Variants in SSX2IP observed in about 807,000 individuals in gnomAD.
SSX2IP encodes SSX family member 2 interacting protein, also known as afadin- and alpha-actinin-binding protein.
In SSX2IP, 55 loss-of-function variants were observed where a neutral mutation model predicts 84.9. That is an observed-to-expected ratio of 0.65 (90% CI 0.52 to 0.81). SSX2IP has a LOEUF of 0.81. Ranked by LOEUF, SSX2IP falls within the 30% of genes least tolerant of loss-of-function variation. SSX2IP has a pLI of 0.00. For missense variants in SSX2IP, 664 were observed against 705.2 expected, an observed-to-expected ratio of 0.94 and a Z score of 0.66; for synonymous variants, 239 against 234.7, an observed-to-expected ratio of 1.02 and a Z score of -0.17.
chr1:84,662,774 G>C (rs562625207), intron 6 of SSX2IP, among the ~76,000 whole-genome samples: 3 of 152,164 alleles, frequency 2.0e-5, no homozygotes, highest in South Asian at 2.1e-4. Flanking sequence ...ATCTACCAAA[G>C]AGTTGTTGAG....
chr1:84,684,333 T>A (rs1655494941), intron 1 of SSX2IP, among the ~76,000 whole-genome samples: 1 of 152,204 alleles, frequency 6.6e-6, no homozygotes, highest in South Asian at 2.1e-4. Context: ...TAGAATGTGG[T>A]TCAGTATAAA....
intron 11 of SSX2IP, 68 bp from the exon 12 acceptor site, chr1:84,652,065 T>C (rs769796906): frequency 7.0e-5 from 80 of 1,137,998 alleles, no homozygotes; most frequent in Non-Finnish European, 1.0e-4. Context: ...TTTCACATGA[T>C]TGCTCTAGCT....
In SSX2IP at chr1:84,646,888, G is replaced by C. The variant is rs1056753800; in HGVS notation, c.*545C>G. 6.6e-6 allele frequency: 1 copy of C among 152,518 alleles called. No homozygotes were observed. The highest frequency in any genetic ancestry group is 2.4e-5 in the African/African-American group (1 of 41,450). The allele number at this position is 152,518 out of a possible 1,614,324, so 9.4% of individuals were successfully genotyped here. A position where few individuals can be genotyped will look rare whatever the true frequency, so the allele number is the denominator to read the frequency against. On this transcript the variant is annotated 3_prime_UTR_variant, in exon 14 of 14. Transcript: ENST00000342203. ...GGCATGAAATACTATACTTATGGTT[G>C]TGTGAAACTTTTAAATCTTAAAGCC...
Position 84,664,625 on chromosome 1 carries a change from T to C in SSX2IP, c.538-73A>G, listed in dbSNP as rs901867990. 1.9e-5 allele frequency: 25 copies of C among 1,326,606 alleles called. No individual in the cohort carries two copies. The Admixed American group carries it at 2.4e-4, about 13-fold the overall frequency. The allele number at this position is 1,326,606 out of a possible 1,614,324, so 82.2% of individuals were successfully genotyped here. On this transcript the variant is annotated intron_variant, in intron 5 of 13. Transcript: ENST00000342203. ...TGAAAGAGAAAAATCCTAAAATTCA[T>C]CTCCCCATATAGGTTTTAAAATCCT...
chr1:84,664,701 T>C (rs1652516156), intron 5 of SSX2IP, 149 bp from the exon 6 acceptor site: 1 of 595,074 alleles, frequency 1.7e-6, no homozygotes. Context: ...TTTTAAATAT[T>C]ATATGAATCA....
In SSX2IP at chr1:84,671,327, GAAT is replaced by G. The variant is rs1653548564; in HGVS notation, c.-89-22_-89-20del. 2.0e-6 allele frequency: 3 copies of G among 1,487,020 alleles called. No homozygotes were observed. The Admixed American group carries it at 7.5e-5, about 37-fold the overall frequency. The allele number at this position is 1,487,020 out of a possible 1,614,324, so 92.1% of individuals were successfully genotyped here. A position where few individuals can be genotyped will look rare whatever the true frequency, so the allele number is the denominator to read the frequency against. On this transcript the variant is annotated intron_variant, in intron 1 of 13. Coordinates refer to ENST00000342203, the MANE Select transcript of SSX2IP (RefSeq NM_001166293.2). ...GCATCTCCTTAAAAAGCAGATTATA[GAAT>G]AATAGCATCTAATTTAAAATATGAA...
intron 5 of SSX2IP, among the ~76,000 whole-genome samples, chr1:84,664,986 G>C (rs188114103): frequency 6.6e-6 from 1 of 152,196 alleles, no homozygotes; most frequent in South Asian, 2.1e-4. Context: ...AAGCAGGCTC[G>C]TTTTTCTAAT....
At chr1:84,662,587 C>T (rs1652184614) in intron 6 of SSX2IP, 57 bp from the exon 7 acceptor site, 38 of 1,560,652 alleles carry the variant, frequency 2.4e-5, no homozygotes, top group Non-Finnish European at 3.3e-5. Context: ...GCATCTAAAA[C>T]TCTAATGCAT....
chr1:84,659,796 C>CA (rs35920871), intron 8 of SSX2IP, among the ~76,000 whole-genome samples: 71,564 of 128,436 alleles, frequency 0.56, 20,093 homozygotes, highest in East Asian at 0.73. Flanking sequence ...GACTCCATCT[C>CA]AAAAAAAAAA....
chr1:84,666,132 T>C lies in SSX2IP; in HGVS notation c.527A>G (p.Glu176Gly), dbSNP rs751214481. The C allele has an allele frequency of 1.1e-5, 17 of 1,609,788 alleles. No individual in the cohort carries two copies. The South Asian group carries it at 1.8e-4, about 17-fold the overall frequency. The change falls in exon 5 of 14, where the codon GAG (glutamate) becomes GGG (glycine). Residue 176 changes from glutamate (E) to glycine (G), a missense_variant. Glu to Gly is a moderately conservative substitution (Grantham distance 98). Transcript: ENST00000342203. ...TAACTGACAACTCACCTCATCTTTC[T>C]CATTCTTTAGTAGCTGATGCAAATT... ...NRNLHQLLKN[E>G]KDEVQKLQNI...
rs2994444 is a variant in SSX2IP at position 84,646,827 on chromosome 1, C to T, written c.*606G>A. ...ATGTAATGCATCAATGGTCCTAATA[C>T]ATCTGTAAACAGAATACCACTAAAA... On this transcript the variant is annotated 3_prime_UTR_variant, in exon 14 of 14. Coordinates refer to ENST00000342203, the MANE Select transcript of SSX2IP (RefSeq NM_001166293.2). The T allele has an allele frequency of 0.079, 12,014 of 152,550 alleles. 695 individuals carry two copies. Among genetic ancestry groups the T allele is most frequent in the African/African-American group, 0.16 (6,739 of 41,512 alleles). The allele number at this position is 152,550 out of a possible 1,614,324, so 9.4% of individuals were successfully genotyped here. A position where few individuals can be genotyped will look rare whatever the true frequency, so the allele number is the denominator to read the frequency against.
intron 1 of SSX2IP, among the ~76,000 whole-genome samples, chr1:84,674,592 C>T (rs1432769762): frequency 6.6e-6 from 1 of 152,104 alleles, no homozygotes; most frequent in Non-Finnish European, 1.5e-5. Context: ...ACAGAAAGAA[C>T]ACCAAAATGT....
In SSX2IP at chr1:84,658,327, C is replaced by G; in HGVS notation, c.1069G>C (p.Asp357His). 1 of 1,614,078 alleles carries G rather than the reference C, an allele frequency of 6.2e-7. No homozygotes were observed. Among genetic ancestry groups the G allele is most frequent in the Non-Finnish European group, 8.5e-7 (1 of 1,179,998 alleles). ...TAGAAGCAGTGGTTACCTTGGTTAT[C>G]AAGCTTTTCTACATGACTTTTCAAA... ...RILKSHVEKL[D>H]NQVSKVHLEG... Residue 357 changes from aspartate to histidine, a missense_variant, in exon 9 of 14, where the codon GAT (aspartate) becomes CAT (histidine). Transcript: ENST00000342203.
At chr1:84,681,079 A>G (rs995975026) in intron 1 of SSX2IP, among the ~76,000 whole-genome samples, 5 of 152,200 alleles carry the variant, frequency 3.3e-5, no homozygotes, top group Non-Finnish European at 7.4e-5. Flanking sequence ...ACAGTTTTTT[A>G]AGATAGTCAA....
chr1:84,679,522 T>C (rs1261099026), intron 1 of SSX2IP, among the ~76,000 whole-genome samples: 1 of 152,200 alleles, frequency 6.6e-6, no homozygotes, highest in Non-Finnish European at 1.5e-5. Context: ...AGAGGATTTA[T>C]AGTTGGAAAG....
chr1:84,657,572 C>T (rs1651298901), intron 9 of SSX2IP, among the ~76,000 whole-genome samples: 1 of 151,970 alleles, frequency 6.6e-6, no homozygotes, highest in African/African-American at 2.4e-5. Context: ...GTAAAAGAGA[C>T]TCAGTTTTCT....
chr1:84,677,455 A>G (rs80288117), intron 1 of SSX2IP, among the ~76,000 whole-genome samples: 4 of 152,254 alleles, frequency 2.6e-5, no homozygotes, highest in Non-Finnish European at 5.9e-5. Context: ...ATACACAACA[A>G]TACCTTGTAG....
chr1:84,670,539 A>T, intron 3 of SSX2IP, 107 bp downstream of exon 3: 1 of 708,500 alleles, frequency 1.4e-6, no homozygotes, highest in East Asian at 3.0e-5. Context: ...TCTCAGGGGC[A>T]CTACATAAAC....
intron 4 of SSX2IP, among the ~76,000 whole-genome samples, chr1:84,668,115 C>G (rs373403575): frequency 6.6e-6 from 1 of 152,130 alleles, no homozygotes; most frequent in African/African-American, 2.4e-5. Context: ...GATTCTGGCC[C>G]AGGTCAAATC....
Sources: gnomAD v4.1 joint callset for allele counts (sites outside exome capture counted in the v4.1 genomes callset) on GRCh38, gnomAD v4.1.1 for gene constraint, MANE v1.5 for transcripts, NCBI Gene and HGNC (gene_info 2026-07-23, HGNC 2026-07-21) for gene names.